The following SEMA3A variants were observed in gnomAD, a reference collection of about 807,000 sequenced individuals.
SEMA3A encodes semaphorin-3A.
A neutral mutation model predicts 97.9 loss-of-function variants in SEMA3A; 29 were observed. The ratio of observed to expected loss-of-function variants is 0.30; its 90% CI spans 0.22 to 0.40. The LOEUF is 0.40. Among genes scored for constraint, SEMA3A ranks in the 10% least tolerant of loss-of-function variants. The pLI is 1.00. For synonymous variants in SEMA3A, 321 were observed against 323.7 expected (o/e 0.99, Z 0.09); for missense variants, 763 against 951.3 (o/e 0.80, Z 2.60).
At chr7:84,465,648 A>C (rs2715039) in intron 1 of SEMA3A, among the ~76,000 whole-genome samples, 80,335 of 151,978 alleles carry the variant, frequency 0.53, 22,873 homozygotes, top group East Asian at 0.91. Context: ...TACTTGATTT[A>C]TCTTTATTTA....
At chr7:84,345,593 A>G (rs1802279598) in intron 2 of SEMA3A, among the ~76,000 whole-genome samples, 1 of 152,192 alleles carries the variant, frequency 6.6e-6, no homozygotes, top group South Asian at 2.1e-4. Flanking sequence ...TGATCACAGC[A>G]TTGTCACCAG....
chr7:84,000,692 C>G (rs1790404840), intron 12 of SEMA3A, among the ~76,000 whole-genome samples: 1 of 152,056 alleles, frequency 6.6e-6, no homozygotes, highest in Admixed American at 6.6e-5. Context: ...TAAACCCTTT[C>G]CAGTAGAACA....
At chr7:83,983,735 T>C (rs1402549851) in intron 13 of SEMA3A, among the ~76,000 whole-genome samples, 1 of 152,134 alleles carries the variant, frequency 6.6e-6, no homozygotes, top group Non-Finnish European at 1.5e-5. Context: ...GGTAAGCCTT[T>C]AGGCACCATT....
In SEMA3A at chr7:84,301,076, CA is replaced by C. The variant is rs1313162599; in HGVS notation, c.-83+6130del. Among the ~76,000 whole-genome samples the C allele has an allele frequency of 4.6e-5, 7 of 152,002 alleles. No individual in the cohort carries two copies. The East Asian group carries it at 1.4e-3, about 29-fold the overall frequency. ...AAAAATTCAGGAGATGTTTTTCCTG[CA>C]GGGGAGGGGAGTTAAATGGATCAAA... On this transcript the variant is annotated intron_variant, in intron 3 of 3. Transcript: ENST00000424555.
chr7:84,399,564 A>G (rs1038798246), intron 1 of SEMA3A, among the ~76,000 whole-genome samples: 2 of 152,170 alleles, frequency 1.3e-5, no homozygotes, highest in Non-Finnish European at 2.9e-5. Context: ...TTGTCCTCCA[A>G]CTGAATATCA....
intron 12 of SEMA3A, among the ~76,000 whole-genome samples, chr7:83,987,968 T>C (rs1789706914): frequency 6.6e-6 from 1 of 152,228 alleles, no homozygotes; most frequent in Non-Finnish European, 1.5e-5. Flanking sequence ...CAGTGAACTG[T>C]GTATTGCTGA....
At chr7:84,339,293 G>C (rs1287342189) in intron 2 of SEMA3A, among the ~76,000 whole-genome samples, 1 of 152,094 alleles carries the variant, frequency 6.6e-6, no homozygotes, top group Non-Finnish European at 1.5e-5. Context: ...CTCTTTGCAG[G>C]GTCAATTAGA....
chr7:83,969,569 C>A (rs1179115001), intron 15 of SEMA3A, among the ~76,000 whole-genome samples: 2 of 152,050 alleles, frequency 1.3e-5, no homozygotes, highest in African/African-American at 4.8e-5. Flanking sequence ...ACTTTGACAT[C>A]CTCAAGACAT....
rs1223632703 is a variant in SEMA3A, at chr7:84,345,702, C to T, written c.-169+26122G>A. Among the ~76,000 whole-genome samples the T allele has an allele frequency of 6.6e-5, 10 of 152,266 alleles. No homozygotes were observed. The East Asian group carries it at 1.9e-3, about 29-fold the overall frequency. ...ACATGAGATTGCAATAATTTAGACA[C>T]AACTTCAGGCTCTACTTCTAATTCT... On this transcript the variant is annotated intron_variant, in intron 2 of 3. Transcript: ENST00000424555.
At chr7:84,182,013 C>T (rs1010863904) in intron 1 of SEMA3A, among the ~76,000 whole-genome samples, 4 of 152,216 alleles carry the variant, frequency 2.6e-5, no homozygotes, top group Admixed American at 1.3e-4. Flanking sequence ...TTTCTAATGA[C>T]GTCTAGATTT....
At position 83,961,498 on chromosome 7, in the gene SEMA3A, C is replaced by T. The variant is rs318240752; in HGVS notation, c.2189G>A (p.Arg730Gln). 53 of 1,613,892 alleles carry T rather than the reference C, an allele frequency of 3.3e-5. No homozygotes were observed. Among genetic ancestry groups the T allele is most frequent in the Middle Eastern group, 1.6e-4 (1 of 6,082 alleles). ...EFCEQVWKRDRKQRRQRPGHT... is the reference protein window; with the variant it reads ...EFCEQVWKRDQKQRRQRPGHT... ...TCCTGGCCTTTGCCGACGTTGTTTTCGGTCCCTTTTCCAAACTTGTTCACA... is the reference window on the plus strand; with the variant it reads ...TCCTGGCCTTTGCCGACGTTGTTTTTGGTCCCTTTTCCAAACTTGTTCACA... The change falls in exon 17 of 17, where the codon CGA becomes CAA. Residue 730 changes from arginine (R) to glutamine (Q), a missense_variant. By Grantham distance (43) the Arg-to-Gln change is conservative. Around this residue, in one of 2 missense-constraint regions of SEMA3A, gnomAD observed 678 missense variants for 881.3 expected, o/e 0.77. Coordinates refer to ENST00000265362, the MANE Select transcript of SEMA3A (RefSeq NM_006080.3).
In SEMA3A at chr7:84,010,167, T is replaced by C. The variant is rs115933124; in HGVS notation, c.995+855A>G. On this transcript the variant is annotated intron_variant, in intron 9 of 16. Transcript: ENST00000265362. ...CCTCAGGGAAAAAAAAGTAGATTTT[T>C]TTACAAAGAGAATCTATTTACTGAC... Among the ~76,000 whole-genome samples, 558 of 152,196 alleles carry C rather than the reference T, an allele frequency of 3.7e-3. 8 individuals carry two copies. Among genetic ancestry groups the C allele is most frequent in the African/African-American group, 0.013 (536 of 41,542 alleles).
At chr7:84,048,313 A>C (rs1319902466) in intron 5 of SEMA3A, among the ~76,000 whole-genome samples, 1 of 151,986 alleles carries the variant, frequency 6.6e-6, no homozygotes, top group African/African-American at 2.4e-5. Context: ...AAAATGCAAA[A>C]ATGTTATGAT....
At chr7:84,045,264 G>A (rs1792304451) in intron 6 of SEMA3A, among the ~76,000 whole-genome samples, 1 of 151,912 alleles carries the variant, frequency 6.6e-6, no homozygotes, top group Non-Finnish European at 1.5e-5. Flanking sequence ...CTGAGAACAT[G>A]ACTATAAACC....
At chr7:84,210,679 C>T (rs1024622859) in intron 3 of SEMA3A, among the ~76,000 whole-genome samples, 2 of 151,912 alleles carry the variant, frequency 1.3e-5, no homozygotes, top group Non-Finnish European at 2.9e-5. Context: ...GATGTATTTA[C>T]TAGGAACAAA....
intron 1 of SEMA3A, among the ~76,000 whole-genome samples, chr7:84,410,292 T>A (rs1683486828): frequency 6.6e-6 from 1 of 152,132 alleles, no homozygotes; most frequent in South Asian, 2.1e-4. Flanking sequence ...ATTTTTCATT[T>A]GTTGAGAATT....
At chr7:84,416,151 C>T (rs1191382364) in intron 1 of SEMA3A, among the ~76,000 whole-genome samples, 1 of 152,022 alleles carries the variant, frequency 6.6e-6, no homozygotes, top group Non-Finnish European at 1.5e-5. Context: ...ATTGTATCTC[C>T]TAGAATTCCC....
At chr7:83,968,026 T>C (rs372823113) in intron 15 of SEMA3A, among the ~76,000 whole-genome samples, 2 of 152,192 alleles carry the variant, frequency 1.3e-5, no homozygotes, top group African/African-American at 4.8e-5. Flanking sequence ...TTTGATTCTT[T>C]ATTAAAGCAA....
chr7:84,120,630 G>A (rs994088959), intron 3 of SEMA3A, among the ~76,000 whole-genome samples: 1 of 152,140 alleles, frequency 6.6e-6, no homozygotes, highest in Non-Finnish European at 1.5e-5. Context: ...TCAGTTATCT[G>A]TACAACTGAA....
Sources: allele counts gnomAD v4.1 joint callset (sites outside exome capture counted in the v4.1 genomes callset), GRCh38; gene constraint gnomAD v4.1.1; regional missense constraint gnomAD v4.1.1; transcripts MANE v1.5; gene names NCBI Gene and HGNC (gene_info 2026-07-23, HGNC 2026-07-21).